The following LYPD6 variants were observed in gnomAD, a reference collection of about 807,000 sequenced individuals.
LYPD6 encodes ly6/PLAUR domain-containing protein 6.
Under a neutral mutation model 22.7 loss-of-function variants are expected in LYPD6, and 15 were observed. The observed-to-expected ratio is 0.66, with a 90% CI of 0.44 to 1.02. The LOEUF is 1.02. Among genes scored for constraint, LYPD6 ranks in the 50% least tolerant of loss-of-function variants. The pLI is 0.00. For missense variants in LYPD6, 189 were observed against 208.4 expected (o/e 0.91, Z 0.57); for synonymous variants, 72 against 77.5 (o/e 0.93, Z 0.37).
At chr2:149,467,743 T>A (rs1230379521) in intron 3 of LYPD6, among the ~76,000 whole-genome samples, 1 of 152,182 alleles carries the variant, frequency 6.6e-6, no homozygotes, top group African/African-American at 2.4e-5. Context: ...ATTTTCTTTT[T>A]TAATGTGAAA....
At chr2:149,396,972 C>T (rs1013499852) in intron 1 of LYPD6, among the ~76,000 whole-genome samples, 3 of 152,180 alleles carry the variant, frequency 2.0e-5, no homozygotes, top group Admixed American at 2.0e-4. Context: ...ACCTTTGCAG[C>T]TCTCCTATAT....
chr2:149,406,098 A>G (rs1035673245), intron 1 of LYPD6, among the ~76,000 whole-genome samples: 27 of 150,578 alleles, frequency 1.8e-4, no homozygotes, highest in African/African-American at 6.3e-4. Flanking sequence ...GGTCTGAGAG[A>G]CAGTTTGTTA....
intron 1 of LYPD6, among the ~76,000 whole-genome samples, chr2:149,358,328 A>C (rs565602058): frequency 6.6e-6 from 1 of 151,092 alleles, no homozygotes; most frequent in African/African-American, 2.5e-5. Flanking sequence ...GGACGTATAG[A>C]CAAGTAACAA....
intron 1 of LYPD6, among the ~76,000 whole-genome samples, chr2:149,430,361 A>G (rs924161985): frequency 1.3e-5 from 2 of 152,114 alleles, no homozygotes; most frequent in African/African-American, 2.4e-5. Flanking sequence ...CAGCCTCCCA[A>G]AGTGCTGGGA....
intron 1 of LYPD6, chr2:149,367,982 C>T (rs771741775): frequency 3.9e-5 from 6 of 152,076 alleles, no homozygotes; most frequent in South Asian, 2.1e-4. Context: ...TCGCAGGTAC[C>T]GTGAATATAA....
chr2:149,429,819 A>G (rs1683273314), intron 1 of LYPD6, among the ~76,000 whole-genome samples: 1 of 152,140 alleles, frequency 6.6e-6, no homozygotes, highest in South Asian at 2.1e-4. Flanking sequence ...TCTCTTTTTT[A>G]TGAAGTCTCA....
At chr2:149,451,876 G>T (rs1460522356) in intron 3 of LYPD6, among the ~76,000 whole-genome samples, 3 of 152,126 alleles carry the variant, frequency 2.0e-5, no homozygotes, top group Admixed American at 6.6e-5. Context: ...GGGAGCAGGC[G>T]GTTTAGTTGG....
intron 1 of LYPD6, among the ~76,000 whole-genome samples, chr2:149,428,507 T>A (rs887309755): frequency 6.6e-6 from 1 of 152,198 alleles, no homozygotes; most frequent in Non-Finnish European, 1.5e-5. Context: ...GGCATACACA[T>A]GTTTCTGCGT....
downstream of LYPD6, among the ~76,000 whole-genome samples, chr2:149,477,644 AAAAAG>A (rs1558822660): frequency 2.0e-5 from 3 of 150,852 alleles, no homozygotes; most frequent in African/African-American, 7.3e-5. Flanking sequence ...AAAAAAAAAA[AAAAAG>A]AAACAACAAC....
chr2:149,381,455 G>A (rs932985599), intron 1 of LYPD6, among the ~76,000 whole-genome samples: 1 of 152,130 alleles, frequency 6.6e-6, no homozygotes, highest in African/African-American at 2.4e-5. Flanking sequence ...AGAGTGTATG[G>A]GCAAGATTCT....
In LYPD6 at chr2:149,383,128, T is replaced by A. The variant is rs555391305; in HGVS notation, c.-72+52406T>A. Among the ~76,000 whole-genome samples, 322 of 152,302 alleles carry A rather than the reference T, an allele frequency of 2.1e-3. 1 individual carries two copies. Among genetic ancestry groups the A allele is most frequent in the Middle Eastern group, 6.8e-3 (2 of 294 alleles). On this transcript the variant is annotated intron_variant, in intron 1 of 4. Transcript: ENST00000334166. ...AGTGGCATTAATTAATTCAGTGTTT[T>A]GCAACTATCACCACTATTTCCAAAA...
intron 1 of LYPD6, among the ~76,000 whole-genome samples, chr2:149,410,542 ACT>A (rs150735781): frequency 0.048 from 7,267 of 151,896 alleles, 548 homozygotes; most frequent in African/African-American, 0.16. Flanking sequence ...CTGAAAAGTA[ACT>A]CTTGCTTCTC....
chr2:149,330,573 C>G (rs973969738), upstream of LYPD6: 2 of 151,108 alleles, frequency 1.3e-5, no homozygotes, highest in East Asian at 3.9e-4. Context: ...CCCCGCCTCT[C>G]CCCGCTGCGC....
At chr2:149,470,280 T>C (rs1221282329) in intron 4 of LYPD6, among the ~76,000 whole-genome samples, 1 of 152,062 alleles carries the variant, frequency 6.6e-6, no homozygotes, top group African/African-American at 2.4e-5. Flanking sequence ...GCCACTTGAC[T>C]CTCACTTGAA....
intron 1 of LYPD6, among the ~76,000 whole-genome samples, chr2:149,358,315 T>C (rs938307703): frequency 6.6e-6 from 1 of 152,096 alleles, no homozygotes; most frequent in Non-Finnish European, 1.5e-5. Flanking sequence ...TAAAACATAC[T>C]AGGGACGTAT....
At chr2:149,474,766 TTTTGTTTG>T (rs371753572), downstream of LYPD6, among the ~76,000 whole-genome samples, 1 of 152,068 alleles carries the variant, frequency 6.6e-6, no homozygotes, top group African/African-American at 2.4e-5. Context: ...AATGTGGGTT[TTTTGTTTG>T]TTTGTTTGTT....
intron 1 of LYPD6, among the ~76,000 whole-genome samples, chr2:149,383,011 G>A (rs1313860751): frequency 6.6e-6 from 1 of 151,960 alleles, no homozygotes; most frequent in Non-Finnish European, 1.5e-5. Context: ...TCTAATAAGT[G>A]CTTTTTAAAT....
intron 1 of LYPD6, among the ~76,000 whole-genome samples, chr2:149,432,849 T>C (rs575172846): frequency 6.6e-6 from 1 of 152,328 alleles, no homozygotes; most frequent in East Asian, 1.9e-4. Context: ...AAGACATGAC[T>C]ATTTTGAGGT....
intron 1 of LYPD6, among the ~76,000 whole-genome samples, chr2:149,387,700 C>G (rs1334060679): frequency 6.6e-6 from 1 of 152,032 alleles, no homozygotes. Flanking sequence ...GAGGTGCTCC[C>G]AGCAAGGGGA....
Sources: gnomAD v4.1 joint callset for allele counts (sites outside exome capture counted in the v4.1 genomes callset) on GRCh38, gnomAD v4.1.1 for gene constraint, MANE v1.5 for transcripts, NCBI Gene and HGNC (gene_info 2026-07-23, HGNC 2026-07-21) for gene names.